Variants in DYM observed in about 807,000 individuals in gnomAD.
DYM encodes the protein dyggve-Melchior-Clausen syndrome protein.
In DYM, 78 loss-of-function variants were observed where a neutral mutation model predicts 93.1. The ratio of observed to expected loss-of-function variants is 0.84; its 90% confidence interval spans 0.70 to 1.01. The LOEUF (loss-of-function observed/expected upper bound fraction) is 1.01, where lower values mean the gene tolerates loss of function less well. Among genes scored for constraint, DYM ranks in the 50% least tolerant of loss-of-function variants. The pLI is 0.00. For missense variants in DYM, 789 were observed against 845.0 expected, an observed-to-expected ratio of 0.93 and a Z score of 0.82; for synonymous variants, 321 against 319.7, an observed-to-expected ratio of 1.00 and a Z score of -0.04.
intron 2 of DYM, among the ~76,000 whole-genome samples, chr18:49,406,639 G>C (rs1235981361): frequency 6.6e-6 from 1 of 152,060 alleles, no homozygotes; most frequent in Non-Finnish European, 1.5e-5. Context: ...AAATCACCAG[G>C]AGGCAACACT....
chr18:49,283,135 T>C (rs918016839), intron 9 of DYM, among the ~76,000 whole-genome samples: 2 of 152,208 alleles, frequency 1.3e-5, no homozygotes, highest in East Asian at 1.9e-4. Context: ...CTAAATTGTA[T>C]CAATCCAACT....
chr18:49,391,575 C>A lies in DYM; in HGVS notation c.193+18G>T. On this transcript the variant is annotated intron_variant, in intron 3 of 17. Transcript: ENST00000675505. ...CAAAATTTGAAAACAACACCCCACA[C>A]ACATTTTTCCCACTTACCTAATGAC... is the stretch of plus-strand genomic sequence containing the variant. The A allele has an allele frequency of 6.2e-7, 1 of 1,612,842 alleles. No individual in the cohort carries two copies. The highest frequency in any genetic ancestry group is 8.5e-7 in the Non-Finnish European group (1 of 1,179,034).
intron 15 of DYM, among the ~76,000 whole-genome samples, chr18:49,163,141 C>T (rs8086595): frequency 0.12 from 17,657 of 152,016 alleles, 1,348 homozygotes; most frequent in African/African-American, 0.22. Flanking sequence ...TATAAAGATT[C>T]TTAATTATGT....
chr18:49,094,227 G>T (rs560248817), intron 17 of DYM, among the ~76,000 whole-genome samples: 1 of 152,132 alleles, frequency 6.6e-6, no homozygotes, highest in South Asian at 2.1e-4. Flanking sequence ...ATCTGAGGTG[G>T]TAGTGGTATG....
chr18:49,057,215 T>C (rs1293083746), intron 17 of DYM, among the ~76,000 whole-genome samples: 1 of 152,242 alleles, frequency 6.6e-6, no homozygotes, highest in African/African-American at 2.4e-5. Context: ...TTTACAACTT[T>C]ATGAACTAGC....
chr18:49,437,220 CAG>C (rs1400859602), intron 1 of DYM, among the ~76,000 whole-genome samples: 3 of 152,204 alleles, frequency 2.0e-5, no homozygotes, highest in African/African-American at 7.2e-5. Context: ...CATCATTCCA[CAG>C]ACATTCTGTG....
At chr18:49,460,153 AC>A (rs2148786199) in intron 1 of DYM, among the ~76,000 whole-genome samples, 2 of 152,298 alleles carry the variant, frequency 1.3e-5, no homozygotes, top group Non-Finnish European at 2.9e-5. Context: ...CTCCGGAAGC[AC>A]CGACTTGGCC....
At chr18:49,143,479 A>T (rs191699639) in intron 15 of DYM, among the ~76,000 whole-genome samples, 1 of 152,282 alleles carries the variant, frequency 6.6e-6, no homozygotes, top group Non-Finnish European at 1.5e-5. Context: ...TTTGCTAAGT[A>T]CTTTCGATGC....
In DYM at chr18:49,109,006, C is replaced by G. The variant is rs191314737; in HGVS notation, c.1911+9738G>C. Among the ~76,000 whole-genome samples, 356 of 151,670 alleles carry G rather than the reference C, an allele frequency of 2.3e-3. 1 individual carries two copies. Among genetic ancestry groups the G allele is most frequent in the African/African-American group, 8.3e-3 (344 of 41,406 alleles). On this transcript the variant is annotated intron_variant, in intron 16 of 17. Coordinates refer to ENST00000675505, the MANE Select transcript of DYM (RefSeq NM_001353214.3). ...CCTGTGTTGAAGTCTACTTTGTCTGCTATTAATATAGTCATCCTACCCCTT... is the reference window on the plus strand; with the variant it reads ...CCTGTGTTGAAGTCTACTTTGTCTGGTATTAATATAGTCATCCTACCCCTT...
chr18:49,144,081 C>T (rs2144530517), intron 15 of DYM, among the ~76,000 whole-genome samples: 1 of 152,274 alleles, frequency 6.6e-6, no homozygotes, highest in South Asian at 2.1e-4. Flanking sequence ...AAGTTTCTTA[C>T]AGGCAGAATG....
chr18:49,208,734 T>C (rs1273530230), intron 14 of DYM: 4 of 152,136 alleles, frequency 2.6e-5, no homozygotes, highest in Admixed American at 2.6e-4. Context: ...TTCATCTAAA[T>C]CATCTGGCAG....
chr18:49,210,909 G>T (rs1279459754), intron 13 of DYM, among the ~76,000 whole-genome samples: 2 of 152,172 alleles, frequency 1.3e-5, no homozygotes, highest in Non-Finnish European at 2.9e-5. Context: ...ATATGAGGCT[G>T]TCATTAGTGA....
Position 49,042,559 on chromosome 18 carries a change from C to T in DYM, c.*1496G>A, listed in dbSNP as rs2071006583. 1 of 152,278 alleles carries T rather than the reference C, an allele frequency of 6.6e-6. No homozygotes were observed. Among genetic ancestry groups the T allele is most frequent in the Non-Finnish European group, 1.5e-5 (1 of 68,082 alleles). The allele number at this position is 152,278 out of a possible 1,614,324, so 9.4% of individuals were successfully genotyped here. ...AGGCCCTCGGAAGATTTGATGGACTCAAATAACACGGGCCTGCAGCCCTGG... is the reference window on the plus strand; with the variant it reads ...AGGCCCTCGGAAGATTTGATGGACTTAAATAACACGGGCCTGCAGCCCTGG... On this transcript the variant is annotated 3_prime_UTR_variant, in exon 18 of 18. Coordinates refer to ENST00000675505, the MANE Select transcript of DYM (RefSeq NM_001353214.3).
At position 49,292,054 on chromosome 18, in the gene DYM, G is replaced by A. The variant is rs549140640; in HGVS notation, c.764-5438C>T. Among the ~76,000 whole-genome samples, 374 of 152,094 alleles carry A rather than the reference G, an allele frequency of 2.5e-3. 1 individual carries two copies. Among genetic ancestry groups the A allele is most frequent in the African/African-American group, 8.7e-3 (361 of 41,480 alleles). On this transcript the variant is annotated intron_variant, in intron 8 of 17. Transcript: ENST00000675505. ...TCTGCAACAAAAATAATCACAACAT[G>A]GTCCCCAAGGTCAAATAGAAGTGTT...
chr18:49,212,630 G>T (rs561058851), intron 13 of DYM, among the ~76,000 whole-genome samples: 1 of 151,884 alleles, frequency 6.6e-6, no homozygotes, highest in African/African-American at 2.4e-5. Flanking sequence ...CAAATAGCTG[G>T]AACCACAAGT....
At chr18:49,071,845 T>C (rs1028755580) in intron 17 of DYM, among the ~76,000 whole-genome samples, 4 of 152,214 alleles carry the variant, frequency 2.6e-5, no homozygotes, top group African/African-American at 9.6e-5. Context: ...ATCCCATGTA[T>C]AGCGTCTTGT....
At chr18:49,308,042 G>A (rs1323418640) in intron 8 of DYM, among the ~76,000 whole-genome samples, 1 of 151,962 alleles carries the variant, frequency 6.6e-6, no homozygotes, top group Non-Finnish European at 1.5e-5. Context: ...ATTCTCTAAT[G>A]ACAAAATAAA....
intron 8 of DYM, among the ~76,000 whole-genome samples, chr18:49,303,777 C>T (rs1055663866): frequency 7.9e-5 from 12 of 152,194 alleles, no homozygotes; most frequent in African/African-American, 2.7e-4. Context: ...CTTTCATTTT[C>T]ATTTTTACTA....
rs571053590 is a variant in DYM at position 49,420,217 on chromosome 18, G to C, written c.140+10038C>G. ...AGTCTTGCTCTTGTCGCCCAGGCTG[G>C]AGTGCAATGGCGCGATCTCAGCTCC... is the stretch of plus-strand genomic sequence containing the variant. On this transcript the variant is annotated intron_variant, in intron 2 of 17. Transcript: ENST00000675505. Among the ~76,000 whole-genome samples, 85 of 147,666 alleles carry C rather than the reference G, an allele frequency of 5.8e-4. 2 individuals carry two copies. The East Asian group carries it at 0.016, about 28-fold the overall frequency.
Sources: allele counts gnomAD v4.1 joint callset (sites outside exome capture counted in the v4.1 genomes callset), GRCh38; gene constraint gnomAD v4.1.1; transcripts MANE v1.5; gene names NCBI Gene and HGNC (gene_info 2026-07-23, HGNC 2026-07-21).